The following DIAPH2 variants were observed in gnomAD, a reference collection of about 807,000 sequenced individuals.
The protein encoded by DIAPH2 is protein diaphanous homolog 2.
A neutral mutation model predicts 92.7 loss-of-function variants in DIAPH2; 35 were observed. The ratio of observed to expected loss-of-function variants is 0.38; its 90% CI spans 0.29 to 0.50. DIAPH2 has a LOEUF of 0.50. Among genes scored for constraint, DIAPH2 ranks in the 20% least tolerant of loss-of-function variants. The pLI, the probability that DIAPH2 is intolerant of heterozygous loss-of-function variation, is 0.94. For missense variants in DIAPH2, 701 were observed against 819.5 expected, an observed-to-expected ratio of 0.86 and a Z score of 1.77; for synonymous variants, 301 against 280.4, an observed-to-expected ratio of 1.07 and a Z score of -0.73.
chrX:97,098,765 G>A (rs990398551), intron 19 of DIAPH2, among the ~76,000 whole-genome samples: 21 of 112,671 alleles, frequency 1.9e-4, no homozygotes, highest in African/African-American at 6.8e-4. Context: ...TATTCGTGAG[G>A]GCTCCACTCT....
chrX:96,946,928 G>C (rs1460386813), intron 14 of DIAPH2, among the ~76,000 whole-genome samples: 1 of 111,663 alleles, frequency 9.0e-6, no homozygotes, highest in Non-Finnish European at 1.9e-5. Context: ...TTAGCTACAT[G>C]CATCCCCTTG....
At chrX:97,527,965 A>G in intron 26 of DIAPH2, among the ~76,000 whole-genome samples, 1 of 112,022 alleles carries the variant, frequency 8.9e-6, no homozygotes, top group Middle Eastern at 4.6e-3. Context: ...AGTGATGAAA[A>G]TAAAACAAGG....
intron 22 of DIAPH2, among the ~76,000 whole-genome samples, chrX:97,144,748 A>ATTTCTTTC (rs199738516): frequency 3.8e-5 from 4 of 104,116 alleles, no homozygotes; most frequent in African/African-American, 1.0e-4. Context: ...GACACTATAA[A>ATTTCTTTC]TTTCTTTCTT....
intron 4 of DIAPH2, among the ~76,000 whole-genome samples, chrX:96,836,684 G>A (rs1250215792): frequency 2.2e-5 from 1 of 44,766 alleles, no homozygotes; most frequent in Non-Finnish European, 3.5e-5. Flanking sequence ...AAGCAGTACA[G>A]GTATATATAT....
chrX:97,380,175 G>A (rs2069539323), intron 24 of DIAPH2, among the ~76,000 whole-genome samples: 1 of 110,058 alleles, frequency 9.1e-6, no homozygotes, highest in African/African-American at 3.3e-5. Context: ...TACTCATTTT[G>A]TACCTTTTAC....
rs754218346 is a variant in DIAPH2, at chrX:96,757,325, C to T, written c.343-829C>T. 4.5e-5 allele frequency among the ~76,000 whole-genome samples: 5 copies of T among 111,788 alleles called. No individual in the cohort carries two copies. The South Asian group carries it at 1.9e-3, about 42-fold the overall frequency. On this transcript the variant is annotated intron_variant, in intron 3 of 26. Coordinates refer to ENST00000324765, the MANE Select transcript of DIAPH2 (RefSeq NM_006729.5). ...AAAGTTCTTTGTATATCTGGGTACA[C>T]ATCTATATCAGACATATGATTTGTA...
rs188042638 is a variant in DIAPH2, at chrX:97,185,371, A to G, written c.2719+43577A>G. On this transcript the variant is annotated intron_variant, in intron 22 of 26. Coordinates refer to ENST00000324765, the MANE Select transcript of DIAPH2 (RefSeq NM_006729.5). ...TATATATGTGTGTATATATATATGT[A>G]TATATATATGTATATATATATGTGT... is the stretch of plus-strand genomic sequence containing the variant. 1.4e-3 allele frequency among the ~76,000 whole-genome samples: 68 copies of G among 47,505 alleles called. 6 individuals carry two copies. The highest frequency in any genetic ancestry group is 5.4e-3 in the South Asian group (5 of 930). 41.3% of individuals were successfully genotyped at this position (47,505 alleles called of 115,157 possible).
chrX:97,185,048 G>A (rs983404120), intron 22 of DIAPH2, among the ~76,000 whole-genome samples: 1 of 106,153 alleles, frequency 9.4e-6, no homozygotes, highest in Non-Finnish European at 1.9e-5. Context: ...GGAGGCCGAG[G>A]CAGGTGGATC....
chrX:96,836,750 C>A (rs1182794099), intron 4 of DIAPH2, among the ~76,000 whole-genome samples: 3 of 42,333 alleles, frequency 7.1e-5, no homozygotes, highest in Non-Finnish European at 1.2e-4. Context: ...TTTTTTGAGA[C>A]GGAGTCTCGC....
rs943200302 is a variant in DIAPH2 at position 97,368,335 on chromosome X, C to G, written c.3010-15574C>G. On this transcript the variant is annotated intron_variant, in intron 24 of 26. Coordinates refer to ENST00000324765, the MANE Select transcript of DIAPH2 (RefSeq NM_006729.5). ...ATCTTCCCTGAGCTTAATTATCCAT[C>G]TTTTGTTCATGGTTTGGCATTTCCC... is the stretch of plus-strand genomic sequence containing the variant. Among the ~76,000 whole-genome samples the G allele has an allele frequency of 1.4e-4, 16 of 111,587 alleles. 1 individual carries two copies. Among genetic ancestry groups the G allele is most frequent in the Non-Finnish European group, 2.8e-4 (15 of 53,183 alleles).
chrX:97,333,108 A>G (rs1163591157), intron 23 of DIAPH2, among the ~76,000 whole-genome samples: 1 of 111,815 alleles, frequency 8.9e-6, no homozygotes, highest in Non-Finnish European at 1.9e-5. Flanking sequence ...TATCAAGGCC[A>G]AGCATATTCG....
chrX:97,189,223 G>A (rs2067631067), intron 22 of DIAPH2, among the ~76,000 whole-genome samples: 1 of 111,442 alleles, frequency 9.0e-6, no homozygotes, highest in South Asian at 3.8e-4. Context: ...TCTGAAGAGC[G>A]GAGGTTAAAG....
intron 4 of DIAPH2, among the ~76,000 whole-genome samples, chrX:96,842,641 C>A (rs1751126741): frequency 8.9e-6 from 1 of 111,821 alleles, no homozygotes; most frequent in African/African-American, 3.2e-5. Flanking sequence ...GTTGGAGTAT[C>A]CCCATTTTAG....
rs141889476 is a variant in DIAPH2, at chrX:96,946,225, G to A, written c.1509+634G>A. On this transcript the variant is annotated intron_variant, in intron 14 of 26. Coordinates refer to ENST00000324765, the MANE Select transcript of DIAPH2 (RefSeq NM_006729.5). The stretch of plus-strand genomic sequence containing the variant: ...ATATCCGAATTGTATTCAGATCTAA[G>A]CTTGTCTTTTCCTTGTTTCATGGAA... 6.0e-3 allele frequency among the ~76,000 whole-genome samples: 675 copies of A among 111,633 alleles called. 5 individuals carry two copies. The highest frequency in any genetic ancestry group is 0.021 in the African/African-American group (644 of 30,822).
At chrX:97,233,081 A>G (rs1419882504) in intron 22 of DIAPH2, among the ~76,000 whole-genome samples, 2 of 112,300 alleles carry the variant, frequency 1.8e-5, no homozygotes, top group East Asian at 2.8e-4. Context: ...CCTCCCTACA[A>G]TAAAGCTCCA....
chrX:97,000,358 A>G (rs2066135065), intron 17 of DIAPH2, among the ~76,000 whole-genome samples: 1 of 112,451 alleles, frequency 8.9e-6, no homozygotes. Context: ...TTTTATCTTC[A>G]GTAAACAGAG....
chrX:96,746,431 G>T (rs1174641656), intron 3 of DIAPH2, among the ~76,000 whole-genome samples: 1 of 111,859 alleles, frequency 8.9e-6, no homozygotes, highest in Non-Finnish European at 1.9e-5. Context: ...TAAGATTCTT[G>T]TCTCCCTCCC....
Position 96,769,044 on chromosome X carries a change from G to C in DIAPH2, c.447+10786G>C, listed in dbSNP as rs181602568. On this transcript the variant is annotated intron_variant, in intron 4 of 26. Transcript: ENST00000324765. The stretch of plus-strand genomic sequence containing the variant: ...ATAAGGGCAAGGAGATCAAGTTGGG[G>C]GTTGTTGCTGTAGTTTAAGTAATAA... Among the ~76,000 whole-genome samples, 56 of 111,164 alleles carry C rather than the reference G, an allele frequency of 5.0e-4. 1 individual carries two copies. In the Admixed American group the frequency reaches 5.4e-3, roughly 11 times the overall value.
intron 22 of DIAPH2, among the ~76,000 whole-genome samples, chrX:97,176,762 C>T (rs974959552): frequency 1.2e-4 from 13 of 111,199 alleles, no homozygotes; most frequent in Non-Finnish European, 2.3e-4. Flanking sequence ...CTCCTGACCT[C>T]GTGATCCGCC....
Sources: gnomAD v4.1 joint callset for allele counts (sites outside exome capture counted in the v4.1 genomes callset) on GRCh38, gnomAD v4.1.1 for gene constraint, MANE v1.5 for transcripts, NCBI Gene and HGNC (gene_info 2026-07-23, HGNC 2026-07-21) for gene names.